Variants in PCNX1 observed in about 807,000 individuals in gnomAD.
The protein encoded by PCNX1 is pecanex-like protein 1.
PCNX1 carries 78 observed loss-of-function variants against 242.2 expected under a neutral mutation model. The observed-to-expected ratio is 0.32, with a 90% CI of 0.27 to 0.39. The LOEUF (loss-of-function observed/expected upper bound fraction) is 0.39. PCNX1 is among the 10% of genes least tolerant of loss of function. The pLI is 1.00. For synonymous variants in PCNX1, 1,024 were observed against 1,032.9 expected (o/e 0.99, Z 0.17); for missense variants, 2,581 against 2,856.5 (o/e 0.90, Z 2.20).
At chr14:70,999,230 T>G (rs1419110668) in intron 8 of PCNX1, among the ~76,000 whole-genome samples, 2 of 152,188 alleles carry the variant, frequency 1.3e-5, no homozygotes, top group African/African-American at 4.8e-5. Context: ...GTTGATGCAG[T>G]GATGAAACTT....
chr14:71,015,378 T>C (rs2059934687), intron 11 of PCNX1, among the ~76,000 whole-genome samples: 1 of 152,188 alleles, frequency 6.6e-6, no homozygotes, highest in Non-Finnish European at 1.5e-5. Context: ...CTTCGTGTGG[T>C]TTATAACATG....
intron 1 of PCNX1, among the ~76,000 whole-genome samples, chr14:70,935,841 G>A (rs1239341559): frequency 6.6e-6 from 1 of 152,174 alleles, no homozygotes; most frequent in African/African-American, 2.4e-5. Flanking sequence ...ATTAAGATGG[G>A]TGATCATGGC....
At chr14:71,074,004 A>G (rs910037872) in intron 27 of PCNX1, among the ~76,000 whole-genome samples, 1 of 152,180 alleles carries the variant, frequency 6.6e-6, no homozygotes, top group Non-Finnish European at 1.5e-5. Flanking sequence ...AATTCATTCT[A>G]TTCATTCATT....
chr14:71,103,587 A>G lies in PCNX1; in HGVS notation c.6013A>G (p.Ser2005Gly), dbSNP rs757653652. Residue 2005 changes from serine to glycine, a missense_variant, in exon 32 of 36, where the codon AGC (serine) becomes GGC (glycine). This residue lies in a region of PCNX1 where 432 missense variants were observed against 433.6 expected (regional missense o/e 1.00). Coordinates refer to ENST00000304743, the MANE Select transcript of PCNX1 (RefSeq NM_014982.3). The stretch of plus-strand genomic sequence containing the variant: ...ACCCCTGACAACTTCTTACTCTGAC[A>G]GCCACGAACAGCTTAAAGACATTCT... ...VSPLTTSYSD[S>G]HEQLKDILGG... 2.2e-5 allele frequency: 35 copies of G among 1,614,162 alleles called. No homozygotes were observed. Among genetic ancestry groups the G allele is most frequent in the Non-Finnish European group, 2.8e-5 (33 of 1,179,998 alleles).
At chr14:70,940,322 C>CTGG (rs1326423326) in intron 1 of PCNX1, among the ~76,000 whole-genome samples, 2 of 151,606 alleles carry the variant, frequency 1.3e-5, no homozygotes, top group Admixed American at 1.3e-4. Flanking sequence ...TAAGGCAGGC[C>CTGG]TGGTGACAAA....
chr14:70,945,221 AT>A (rs1432476747), intron 1 of PCNX1, among the ~76,000 whole-genome samples: 3 of 152,208 alleles, frequency 2.0e-5, no homozygotes, highest in Non-Finnish European at 4.4e-5. Flanking sequence ...GATTCCAAGG[AT>A]TTTAAGAGTT....
chr14:70,978,559 C>G lies in PCNX1; in HGVS notation c.2222C>G (p.Ser741Cys). 1 of 1,614,066 alleles carries G rather than the reference C, an allele frequency of 6.2e-7. No individual in the cohort carries two copies. The highest frequency in any genetic ancestry group is 8.5e-7 in the Non-Finnish European group (1 of 1,179,988). ...LDELSLLGRA[S>C]QLETVTRSRN... ...GAGCTATCTTTATTAGGACGGGCTT[C>G]CCAGTTAGAGACAGTCACTCGATCT... The change falls in exon 6 of 36, where the codon TCC becomes TGC. Residue 741 changes from serine to cysteine, a missense_variant. Ser to Cys is a moderately radical substitution (Grantham distance 112). This residue lies in a region of PCNX1 where 1,204 missense variants were observed against 1,216.7 expected (regional missense o/e 0.99). Coordinates refer to ENST00000304743, the MANE Select transcript of PCNX1 (RefSeq NM_014982.3).
chr14:70,930,046 T>C (rs566127437), intron 1 of PCNX1, among the ~76,000 whole-genome samples: 1 of 152,306 alleles, frequency 6.6e-6, no homozygotes, highest in East Asian at 1.9e-4. Flanking sequence ...TGGGTTTTTT[T>C]CTTCATCCCT....
chr14:71,084,177 G>A (rs972493854), intron 28 of PCNX1, among the ~76,000 whole-genome samples: 1 of 152,190 alleles, frequency 6.6e-6, no homozygotes, highest in Admixed American at 6.5e-5. Flanking sequence ...CACCAGTGGA[G>A]GCTGCAGAAC....
intron 12 of PCNX1, among the ~76,000 whole-genome samples, chr14:71,021,631 G>T (rs964823713): frequency 4.1e-4 from 62 of 152,082 alleles, no homozygotes; most frequent in Non-Finnish European, 2.8e-4. Context: ...TTGCAGTACT[G>T]AAATTATAGT....
chr14:70,993,974 C>T (rs2059249608), intron 7 of PCNX1, among the ~76,000 whole-genome samples: 1 of 152,098 alleles, frequency 6.6e-6, no homozygotes, highest in Non-Finnish European at 1.5e-5. Flanking sequence ...TACAAATATT[C>T]CAGTCTGAAG....
intron 1 of PCNX1, 80 bp from the exon 2 acceptor site, chr14:70,946,835 T>C: frequency 9.8e-7 from 1 of 1,025,274 alleles, no homozygotes; most frequent in Non-Finnish European, 1.4e-6. Context: ...ATGTGTTTAT[T>C]ATTTTAGATA....
In PCNX1 at chr14:70,940,161, A is replaced by G. The variant is rs376543323; in HGVS notation, c.154-6754A>G. Among the ~76,000 whole-genome samples the G allele has an allele frequency of 3.3e-5, 5 of 152,132 alleles. No individual in the cohort carries two copies. In the East Asian group the frequency reaches 9.7e-4, roughly 29 times the overall value. On this transcript the variant is annotated intron_variant, in intron 1 of 35. Coordinates refer to ENST00000304743, the MANE Select transcript of PCNX1 (RefSeq NM_014982.3). The stretch of plus-strand genomic sequence containing the variant: ...GTTAATATTGTTATGTGTGATTTTG[A>G]TCCTGTCATTATGATGCTAGCTGGT...
Position 71,110,016 on chromosome 14 carries a change from C to A in PCNX1, c.*81C>A. The A allele has an allele frequency of 8.1e-7, 1 of 1,229,156 alleles. No homozygotes were observed. Among genetic ancestry groups the A allele is most frequent in the Non-Finnish European group, 1.2e-6 (1 of 833,944 alleles). The allele number at this position is 1,229,156 out of a possible 1,614,324, so 76.1% of individuals were successfully genotyped here. A position where few individuals can be genotyped will look rare whatever the true frequency, so the allele number is the denominator to read the frequency against. ...AAAAGAGAGGAACAAGCAGAAGATG[C>A]CTGCAGGTATCACTTTGATCCTATG... On this transcript the variant is annotated 3_prime_UTR_variant, in exon 36 of 36. Transcript: ENST00000304743.
At chr14:70,999,155 T>C (rs2059434790) in intron 8 of PCNX1, among the ~76,000 whole-genome samples, 1 of 152,204 alleles carries the variant, frequency 6.6e-6, no homozygotes. Context: ...TGCTAATCTT[T>C]TCTATAGAAT....
At position 70,977,042 on chromosome 14, in the gene PCNX1, C is replaced by A. The variant is rs1329337200; in HGVS notation, c.705C>A (p.Asp235Glu). 11 of 1,614,056 alleles carry A rather than the reference C, an allele frequency of 6.8e-6. No homozygotes were observed. The highest frequency in any genetic ancestry group is 9.3e-6 in the Non-Finnish European group (11 of 1,180,042). The change falls in exon 6 of 36, where the codon GAC becomes GAA. Residue 235 changes from aspartate to glutamate, a missense_variant. Coordinates refer to ENST00000304743, the MANE Select transcript of PCNX1 (RefSeq NM_014982.3). ...LSSCGQDLPR[D>E]FSDKVNLPSH... Reference sequence around the variant, plus strand: ...CTTGTGGACAGGACTTGCCAAGGGACTTCAGTGACAAAGTGAACCTGCCAA... The same window carrying A: ...CTTGTGGACAGGACTTGCCAAGGGAATTCAGTGACAAAGTGAACCTGCCAA...
chr14:70,939,233 A>G (rs1194720689), intron 1 of PCNX1, among the ~76,000 whole-genome samples: 3 of 152,148 alleles, frequency 2.0e-5, no homozygotes, highest in Admixed American at 6.5e-5. Context: ...TAGGGTGTCA[A>G]TTTTAGATCT....
chr14:71,076,390 A>C lies in PCNX1; in HGVS notation c.5308A>C (p.Ile1770Leu), dbSNP rs1566780412. 1 of 1,608,998 alleles carries C rather than the reference A, an allele frequency of 6.2e-7. No individual in the cohort carries two copies. ...ESFCVIYLNWIEYCSSRRAKP... is the reference protein window; with the variant it reads ...ESFCVIYLNWLEYCSSRRAKP... ...TTTCTGTGTGATTTACCTCAACTGG[A>C]TAGAGTACTGCTCTTCCCGAAGAGC... Residue 1770 changes from isoleucine to leucine, a missense_variant, in exon 28 of 36, where the codon ATA becomes CTA. Around this residue, in one of 9 missense-constraint regions of PCNX1, gnomAD observed 298 missense variants for 480.1 expected, o/e 0.62. Transcript: ENST00000304743.
Position 71,012,822 on chromosome 14 carries a change from A to C in PCNX1, c.2779-163A>C, listed in dbSNP as rs1344157496. 5 of 243,962 alleles carry C rather than the reference A, an allele frequency of 2.0e-5. No homozygotes were observed. The East Asian group carries it at 3.5e-4, about 17-fold the overall frequency. The allele number at this position is 243,962 out of a possible 1,614,324, so 15.1% of individuals were successfully genotyped here. On this transcript the variant is annotated intron_variant, in intron 10 of 35. Transcript: ENST00000304743. ...ACTTCAGACAAGACTCTGTCTCAAA[A>C]AAAAAAAAAAAAAAAAGTGTATGAG...
Sources: allele counts gnomAD v4.1 joint callset (sites outside exome capture counted in the v4.1 genomes callset), GRCh38; gene constraint gnomAD v4.1.1; regional missense constraint gnomAD v4.1.1; transcripts MANE v1.5; gene names NCBI Gene and HGNC (gene_info 2026-07-23, HGNC 2026-07-21).